The following PSME4 variants were observed in gnomAD, a reference collection of about 807,000 sequenced individuals.
The protein encoded by PSME4 is proteasome activator subunit 4.
In PSME4, 89 loss-of-function variants were observed where a neutral mutation model predicts 253.9. The observed-to-expected ratio is 0.35, with a 90% CI of 0.30 to 0.42. The LOEUF (loss-of-function observed/expected upper bound fraction) is 0.42. Ranked by LOEUF, PSME4 falls within the 10% of genes least tolerant of loss-of-function variation. PSME4 has a pLI of 1.00. For synonymous variants in PSME4, 851 were observed against 759.2 expected (o/e 1.12, Z -1.99); for missense variants, 2,014 against 2,195.2 (o/e 0.92, Z 1.65).
intron 41 of PSME4, among the ~76,000 whole-genome samples, chr2:53,882,919 AAGAT>A (rs1278397590): frequency 1.3e-5 from 2 of 151,834 alleles, no homozygotes; most frequent in African/African-American, 4.8e-5. Context: ...ATAAATAAAT[AAGAT>A]AAATATAAAT....
At chr2:53,932,836 T>C (rs1668905641) in intron 8 of PSME4, 76 bp from the exon 9 acceptor site, 3 of 1,105,844 alleles carry the variant, frequency 2.7e-6, no homozygotes, top group South Asian at 2.5e-5. Context: ...CCCAAGCCTA[T>C]ACGTAAATCA....
intron 3 of PSME4, among the ~76,000 whole-genome samples, chr2:53,941,235 A>G (rs1205417676): frequency 6.9e-6 from 1 of 145,824 alleles, no homozygotes; most frequent in African/African-American, 2.5e-5. Flanking sequence ...TTTAATTTCA[A>G]AACTACTCAG....
intron 41 of PSME4, among the ~76,000 whole-genome samples, chr2:53,876,677 T>C (rs896652787): frequency 1.3e-5 from 2 of 150,456 alleles, no homozygotes; most frequent in Non-Finnish European, 3.0e-5. Flanking sequence ...ACTATCATTA[T>C]GAATTCCAAC....
At chr2:53,956,985 TG>T (rs1226693135) in intron 1 of PSME4, among the ~76,000 whole-genome samples, 1 of 152,160 alleles carries the variant, frequency 6.6e-6, no homozygotes, top group Non-Finnish European at 1.5e-5. Context: ...TTAAAACCAT[TG>T]AGTTCATGAA....
chr2:53,905,197 T>C (rs535986082), intron 26 of PSME4, among the ~76,000 whole-genome samples: 1 of 151,472 alleles, frequency 6.6e-6, no homozygotes, highest in East Asian at 2.0e-4. Context: ...GCCTGGCTAA[T>C]TTTTGTATTT....
intron 14 of PSME4, 28 bp downstream of exon 14, chr2:53,925,511 A>G (rs1668523055): frequency 2.0e-6 from 3 of 1,481,702 alleles, no homozygotes; most frequent in Admixed American, 3.9e-5. Flanking sequence ...AAAAGCTGGA[A>G]GTTTATTTTT....
chr2:53,879,343 C>T (rs930198284), intron 41 of PSME4, among the ~76,000 whole-genome samples: 14 of 152,072 alleles, frequency 9.2e-5, no homozygotes, highest in Non-Finnish European at 1.9e-4. Context: ...GATATCCTAT[C>T]GTATGAATCA....
chr2:53,908,735 A>G (rs1667679958), intron 22 of PSME4, 49 bp downstream of exon 22: 6 of 1,504,040 alleles, frequency 4.0e-6, no homozygotes, highest in Non-Finnish European at 5.5e-6. Flanking sequence ...TAAAATTCCA[A>G]AATACTTATT....
intron 1 of PSME4, among the ~76,000 whole-genome samples, chr2:53,961,539 G>A (rs755145562): frequency 2.0e-5 from 3 of 152,108 alleles, no homozygotes; most frequent in Non-Finnish European, 4.4e-5. Flanking sequence ...CTAGCTGGGT[G>A]TGCTGATACA....
chr2:53,908,056 G>C (rs1667650329), intron 24 of PSME4: 1 of 378,212 alleles, frequency 2.6e-6, no homozygotes, highest in Non-Finnish European at 4.7e-6. Flanking sequence ...TTCTTACAAG[G>C]TAGTCTCAAT....
intron 27 of PSME4, among the ~76,000 whole-genome samples, chr2:53,903,540 T>G (rs1352985892): frequency 1.3e-5 from 2 of 152,160 alleles, no homozygotes; most frequent in Non-Finnish European, 2.9e-5. Flanking sequence ...CTACTCCAAT[T>G]GCATAAGCTT....
At chr2:53,895,343 G>A (rs1398286120) in intron 33 of PSME4, among the ~76,000 whole-genome samples, 1 of 152,168 alleles carries the variant, frequency 6.6e-6, no homozygotes, top group East Asian at 1.9e-4. Flanking sequence ...ATAATTTAGA[G>A]CAGCTATTAA....
intron 20 of PSME4, among the ~76,000 whole-genome samples, chr2:53,918,342 T>C (rs1668149401): frequency 6.6e-6 from 1 of 152,130 alleles, no homozygotes; most frequent in Non-Finnish European, 1.5e-5. Context: ...TACTGCTGAT[T>C]TTATTCTTTT....
chr2:53,954,701 C>T (rs1670153320), intron 1 of PSME4, among the ~76,000 whole-genome samples: 1 of 151,634 alleles, frequency 6.6e-6, no homozygotes, highest in Non-Finnish European at 1.5e-5. Context: ...ATTAGCTGGG[C>T]GTAGTGGCAG....
chr2:53,958,554 A>T (rs546703876), intron 1 of PSME4, among the ~76,000 whole-genome samples: 1 of 152,180 alleles, frequency 6.6e-6, no homozygotes, highest in East Asian at 1.9e-4. Flanking sequence ...TAAACAGTCA[A>T]TATCAGACTT....
chr2:53,934,748 G>A, intron 7 of PSME4, 21 bp from the exon 8 acceptor site: 2 of 1,529,062 alleles, frequency 1.3e-6, no homozygotes, highest in East Asian at 4.6e-5. Flanking sequence ...AAAAAAATAA[G>A]TAAGGATATT....
intron 10 of PSME4, among the ~76,000 whole-genome samples, chr2:53,929,598 T>A (rs573978656): frequency 4.6e-5 from 7 of 151,424 alleles, no homozygotes; most frequent in Middle Eastern, 3.4e-3. Context: ...GCTGCTTATT[T>A]TTTTTTTTTT....
At chr2:53,884,207 T>C (rs1033962347) in intron 41 of PSME4, among the ~76,000 whole-genome samples, 1 of 152,106 alleles carries the variant, frequency 6.6e-6, no homozygotes, top group African/African-American at 2.4e-5. Flanking sequence ...ATCGTACAGC[T>C]TTCTTTTCTT....
Position 53,865,177 on chromosome 2 carries a change from G to T in PSME4, c.*401C>A, listed in dbSNP as rs976679392. 1 of 152,636 alleles carries T rather than the reference G, an allele frequency of 6.6e-6. No individual in the cohort carries two copies. The highest frequency in any genetic ancestry group is 2.4e-5 in the African/African-American group (1 of 41,448). The allele number at this position is 152,636 out of a possible 1,614,324, so 9.5% of individuals were successfully genotyped here. ...CCTAAATCCAGCAGCCATTTGGGAA[G>T]AATTCAAAATAATTTGAGATGAATG... is the stretch of plus-strand genomic sequence containing the variant. On this transcript the variant is annotated 3_prime_UTR_variant, in exon 47 of 47. Coordinates refer to ENST00000404125, the MANE Select transcript of PSME4 (RefSeq NM_014614.3).
Sources: allele counts gnomAD v4.1 joint callset (sites outside exome capture counted in the v4.1 genomes callset), GRCh38; gene constraint gnomAD v4.1.1; transcripts MANE v1.5; gene names NCBI Gene and HGNC (gene_info 2026-07-23, HGNC 2026-07-21).